The following ZFHX3 variants were observed in gnomAD, a reference collection of about 807,000 sequenced individuals.
ZFHX3 encodes the protein zinc finger homeobox 3.
In ZFHX3, 42 loss-of-function variants were observed where a neutral mutation model predicts 279.1. The observed-to-expected ratio is 0.15, with a 90% CI of 0.12 to 0.19. The LOEUF (loss-of-function observed/expected upper bound fraction) is 0.19, where lower values mean the gene tolerates loss of function less well. Ranked by LOEUF, ZFHX3 falls within the 10% of genes least tolerant of loss-of-function variation. ZFHX3 has a pLI of 1.00. For missense variants in ZFHX3, 4,981 were observed against 4,754.0 expected (o/e 1.05, Z -1.40); for synonymous variants, 2,293 against 1,957.8 (o/e 1.17, Z -4.52).
rs1253124920 is a variant in ZFHX3 at position 73,168,217 on chromosome 16, TTCTTTCTTTC to T, written c.-1103-24396_-1103-24387del. Among the ~76,000 whole-genome samples the T allele has an allele frequency of 3.4e-4, 37 of 108,602 alleles. 1 individual carries two copies. Among genetic ancestry groups the T allele is most frequent in the African/African-American group, 1.4e-3 (32 of 22,408 alleles). 71.2% of individuals were successfully genotyped at this position (108,602 alleles called of 152,430 possible). On this transcript the variant is annotated intron_variant, in intron 5 of 17. Coordinates refer to the ZFHX3 transcript ENST00000641206. ...AACACTATAGTTTCTTTTGTTTTCT[TTCTTTCTTTC>T]TTTCTTTCTTTCTTTCTTTCTTTCT... is the stretch of plus-strand genomic sequence containing the variant.
intron 4 of ZFHX3, among the ~76,000 whole-genome samples, chr16:72,882,980 GTGTGTGTGTGTGTGTGTGTGTGTGTGT>G (rs2038525391): frequency 3.5e-3 from 124 of 35,498 alleles, no homozygotes; most frequent in Middle Eastern, 0.033. Flanking sequence ...ACTCTGGGGT[GTGTGTGTGTGTGTGTGTGTGTGTGTGT>G]GTGTGTGTGT....
intron 2 of ZFHX3, chr16:73,558,492 G>A (rs1446144446): frequency 2.6e-5 from 4 of 152,122 alleles, no homozygotes; most frequent in Non-Finnish European, 5.9e-5. Flanking sequence ...ACCACGCCTG[G>A]AGTAACTGTC....
At chr16:73,089,356 G>A (rs1383012989) in intron 8 of ZFHX3, among the ~76,000 whole-genome samples, 1 of 152,162 alleles carries the variant, frequency 6.6e-6, no homozygotes, top group Non-Finnish European at 1.5e-5. Flanking sequence ...CACGTAAAGT[G>A]GATCCTAAAG....
chr16:73,834,445 A>T lies in ZFHX3; in HGVS notation c.-1608+57206T>A, dbSNP rs1000544836. Among the ~76,000 whole-genome samples, 5 of 152,358 alleles carry T rather than the reference A, an allele frequency of 3.3e-5. No homozygotes were observed. In the South Asian group the frequency reaches 8.3e-4, roughly 25 times the overall value. ...TATGAAGTGTTCTTGGAGGGATGGC[A>T]GGTCCCAAGAGAAAGAAGCACACAG... On this transcript the variant is annotated intron_variant, in intron 1 of 17. Transcript: ENST00000641206.
In ZFHX3 at chr16:72,865,239, G is replaced by A. The variant is rs1264951881; in HGVS notation, c.3448+24492C>T. ...ATGTGCCCAGGCAGGGCACAAGACT[G>A]AGGACTCAGTTGAGAACCAGGTAAG... is the stretch of plus-strand genomic sequence containing the variant. On this transcript the variant is annotated intron_variant, in intron 4 of 9. Coordinates refer to ENST00000268489, the MANE Select transcript of ZFHX3 (RefSeq NM_006885.4). 2.0e-5 allele frequency among the ~76,000 whole-genome samples: 3 copies of A among 152,358 alleles called. No homozygotes were observed. The East Asian group carries it at 5.8e-4, about 29-fold the overall frequency.
chr16:73,068,998 G>A lies in ZFHX3; in HGVS notation c.-532-9986C>T, dbSNP rs55930555. On this transcript the variant is annotated intron_variant, in intron 8 of 17. Transcript: ENST00000641206. ...CCCTTTGGGCGCAACTGCACAAGGG[G>A]GAAGGGTGGTCAGTCCAGTGGTATG... Among the ~76,000 whole-genome samples the A allele has an allele frequency of 1.9e-3, 286 of 152,332 alleles. 1 individual carries two copies. The highest frequency in any genetic ancestry group is 6.6e-3 in the African/African-American group (276 of 41,584).
At chr16:72,859,328 T>G (rs894938177) in intron 4 of ZFHX3, among the ~76,000 whole-genome samples, 1 of 152,216 alleles carries the variant, frequency 6.6e-6, no homozygotes. Context: ...TTCTCTGGAT[T>G]CCATTCTTTG....
intron 1 of ZFHX3, among the ~76,000 whole-genome samples, chr16:73,769,458 T>G (rs1261121857): frequency 6.6e-6 from 1 of 152,178 alleles, no homozygotes; most frequent in Non-Finnish European, 1.5e-5. Context: ...CACAAATTCA[T>G]CAAATGCTTG....
At chr16:72,996,141 G>T (rs745692944) in intron 1 of ZFHX3, among the ~76,000 whole-genome samples, 1 of 151,658 alleles carries the variant, frequency 6.6e-6, no homozygotes, top group Non-Finnish European at 1.5e-5. Flanking sequence ...CACACGAGCC[G>T]GGCATGGTGG....
chr16:73,869,570 T>A (rs754298909), intron 1 of ZFHX3, among the ~76,000 whole-genome samples: 13 of 152,230 alleles, frequency 8.5e-5, no homozygotes, highest in Admixed American at 7.9e-4. Context: ...ACATAACTTA[T>A]TTGTGTATTT....
rs60447973 is a variant in ZFHX3, at chr16:73,412,326, CAAAAAAA to C, written c.-1291+43670_-1291+43676del. ...TGGGCAACAGAGTGAGAGACTGTTT[CAAAAAAA>C]AAAAAAAAAAAAAAAAGTAAATGTC... On this transcript the variant is annotated intron_variant, in intron 3 of 17. Coordinates refer to the ZFHX3 transcript ENST00000641206. Among the ~76,000 whole-genome samples, 1,148 of 117,428 alleles carry C rather than the reference CAAAAAAA, an allele frequency of 9.8e-3. 18 individuals are homozygous for C. The highest frequency in any genetic ancestry group is 0.035 in the African/African-American group (991 of 28,516). 77.0% of individuals were successfully genotyped at this position (117,428 alleles called of 152,430 possible). A position where few individuals can be genotyped will look rare whatever the true frequency, so the allele number is the denominator to read the frequency against.
At chr16:73,517,898 A>G (rs1226418414) in intron 2 of ZFHX3, among the ~76,000 whole-genome samples, 2 of 152,342 alleles carry the variant, frequency 1.3e-5, no homozygotes, top group Non-Finnish European at 1.5e-5. Flanking sequence ...TAGTAGCCAC[A>G]TTAAAAAACA....
chr16:73,735,909 T>TGTTTGTTTGTTTG lies in ZFHX3; in HGVS notation c.-1607-55670_-1607-55669insCAAACAAACAAAC, dbSNP rs1567565769. Among the ~76,000 whole-genome samples, 1,215 of 148,150 alleles carry TGTTTGTTTGTTTG rather than the reference T, an allele frequency of 8.2e-3. 32 individuals are homozygous for TGTTTGTTTGTTTG. The highest frequency in any genetic ancestry group is 0.03 in the African/African-American group (1,150 of 38,324). ...CCATTCCGTTTTTTTTTTTTTTTTT[T>TGTTTGTTTGTTTG]TTTTTTTAATGCTCTGAAGGTTGGT... On this transcript the variant is annotated intron_variant, in intron 1 of 17. Coordinates refer to the ZFHX3 transcript ENST00000641206.
At chr16:73,300,617 C>T (rs112823988) in intron 4 of ZFHX3, among the ~76,000 whole-genome samples, 10 of 152,282 alleles carry the variant, frequency 6.6e-5, no homozygotes, top group African/African-American at 2.4e-4. Context: ...GATGCTCATG[C>T]CTCAGCCTCC....
intron 2 of ZFHX3, among the ~76,000 whole-genome samples, chr16:73,459,151 T>C (rs1438439486): frequency 6.6e-6 from 1 of 152,234 alleles, no homozygotes; most frequent in Non-Finnish European, 1.5e-5. Flanking sequence ...GAAAAGCTCA[T>C]GGAGTCCCTG....
chr16:73,825,849 T>C (rs1960875359), intron 1 of ZFHX3, among the ~76,000 whole-genome samples: 1 of 94,542 alleles, frequency 1.1e-5, no homozygotes, highest in Non-Finnish European at 2.0e-5. Context: ...GCCTCCAGCT[T>C]TGTTCTTTTG....
chr16:72,846,760 G>A (rs1256735272), intron 4 of ZFHX3, among the ~76,000 whole-genome samples: 1 of 152,214 alleles, frequency 6.6e-6, no homozygotes, highest in Non-Finnish European at 1.5e-5. Flanking sequence ...AGATACGGAT[G>A]TGGCTGCAGA....
In ZFHX3 at chr16:72,788,022, G is replaced by A; in HGVS notation, c.10254C>T (p.Ser3418=). 1.2e-6 allele frequency: 2 copies of A among 1,613,224 alleles called. No individual in the cohort carries two copies. The highest frequency in any genetic ancestry group is 1.7e-6 in the Non-Finnish European group (2 of 1,179,964). The change falls in exon 10 of 10, where the codon TCC becomes TCT. Residue 3418 remains serine (S), a synonymous_variant. Coordinates refer to ENST00000268489, the MANE Select transcript of ZFHX3 (RefSeq NM_006885.4). ...PSPDKDPAKE[S]PKPEEQKNTP... ...TGTTTTTCTGTTCTTCTGGTTTGGG[G>A]GATTCTTTGGCAGGGTCTTTGTCTG... is the stretch of plus-strand genomic sequence containing the variant.
intron 4 of ZFHX3, among the ~76,000 whole-genome samples, chr16:73,309,493 G>A (rs531432802): frequency 6.6e-6 from 1 of 152,316 alleles, no homozygotes; most frequent in African/African-American, 2.4e-5. Context: ...CTCCTGCAAG[G>A]AAACTAGTCC....
Sources: allele counts gnomAD v4.1 joint callset (sites outside exome capture counted in the v4.1 genomes callset), GRCh38; gene constraint gnomAD v4.1.1; transcripts MANE v1.5; gene names NCBI Gene and HGNC (gene_info 2026-07-23, HGNC 2026-07-21).